FBN2: variants seen among roughly 807,000 people sequenced by gnomAD.
FBN2 encodes the protein fibrillin 2, also known as fibrillin-2.
In FBN2, 105 loss-of-function variants were observed where a neutral mutation model predicts 355.6. That is an observed-to-expected ratio of 0.30 (90% confidence interval 0.25 to 0.35). The LOEUF (loss-of-function observed/expected upper bound fraction) is 0.35, where lower values mean the gene tolerates loss of function less well. FBN2 is among the 10% of genes least tolerant of loss of function. The probability of loss-of-function intolerance (pLI) is 1.00; values close to 1 mark genes in which losing one functional copy is unlikely to be tolerated. For missense variants in FBN2, 3,280 were observed against 3,758.7 expected, an observed-to-expected ratio of 0.87 and a Z score of 3.33; for synonymous variants, 1,350 against 1,301.2, an observed-to-expected ratio of 1.04 and a Z score of -0.81.
intron 11 of FBN2, among the ~76,000 whole-genome samples, chr5:128,391,591 G>C (rs1456008447): frequency 6.6e-6 from 1 of 152,142 alleles, no homozygotes; most frequent in African/African-American, 2.4e-5. Context: ...GAGTTGAAAT[G>C]AGTCTGAGAC....
chr5:128,397,280 T>C (rs566039751), intron 8 of FBN2, among the ~76,000 whole-genome samples: 31 of 152,348 alleles, frequency 2.0e-4, no homozygotes, highest in African/African-American at 6.3e-4. Context: ...TATCATATAC[T>C]ACCTCCTCAA....
chr5:128,453,011 T>A (rs1448606262), intron 6 of FBN2, among the ~76,000 whole-genome samples: 2 of 152,108 alleles, frequency 1.3e-5, no homozygotes, highest in African/African-American at 4.8e-5. Flanking sequence ...TGTCTAACTT[T>A]AAGGGCAGCA....
At chr5:128,296,629 G>A (rs1159743270) in intron 48 of FBN2, among the ~76,000 whole-genome samples, 2 of 152,106 alleles carry the variant, frequency 1.3e-5, no homozygotes, top group East Asian at 1.9e-4. Flanking sequence ...TTGTGTAGAG[G>A]TGTTTGTAGT....
chr5:128,444,453 T>C (rs1348580857), intron 7 of FBN2, among the ~76,000 whole-genome samples: 1 of 152,238 alleles, frequency 6.6e-6, no homozygotes, highest in Non-Finnish European at 1.5e-5. Flanking sequence ...TAAATAAATA[T>C]GCCTTATACA....
chr5:128,501,768 A>G (rs996413917), intron 5 of FBN2, among the ~76,000 whole-genome samples: 2 of 152,152 alleles, frequency 1.3e-5, no homozygotes, highest in African/African-American at 4.8e-5. Context: ...TGATTATAAA[A>G]CCATTACACT....
chr5:128,405,037 G>A (rs913252824), intron 8 of FBN2, among the ~76,000 whole-genome samples: 1 of 152,114 alleles, frequency 6.6e-6, no homozygotes, highest in Non-Finnish European at 1.5e-5. Flanking sequence ...CCAGCGTAGT[G>A]GTGGGTGCCT....
rs1581189090 is a variant in FBN2 at position 128,287,226 on chromosome 5, T to G, written c.6880+82A>C. The G allele has an allele frequency of 1.0e-5, 15 of 1,480,026 alleles. No individual in the cohort carries two copies. The East Asian group carries it at 2.3e-4, about 22-fold the overall frequency. The allele number at this position is 1,480,026 out of a possible 1,614,324, so 91.7% of individuals were successfully genotyped here. A position where few individuals can be genotyped will look rare whatever the true frequency, so the allele number is the denominator to read the frequency against. On this transcript the variant is annotated intron_variant, in intron 54 of 64. Coordinates refer to ENST00000262464, the MANE Select transcript of FBN2 (RefSeq NM_001999.4). ...ATTTCTGTAAAGCTCTAGAAGAAATTAGTTGAGAACTATAAAATCATTAAG... is the reference window on the plus strand; with the variant it reads ...ATTTCTGTAAAGCTCTAGAAGAAATGAGTTGAGAACTATAAAATCATTAAG...
chr5:128,533,270 G>C (rs914787776), intron 2 of FBN2, among the ~76,000 whole-genome samples: 2 of 152,156 alleles, frequency 1.3e-5, no homozygotes. Context: ...TAAGAGAGGA[G>C]ACCCAAAGTA....
intron 8 of FBN2, among the ~76,000 whole-genome samples, chr5:128,400,227 A>G (rs1035259277): frequency 1.3e-5 from 2 of 152,036 alleles, no homozygotes; most frequent in Non-Finnish European, 2.9e-5. Flanking sequence ...GTGATACAAA[A>G]TAAACCAAAA....
At chr5:128,295,181 T>C (rs1749467666) in intron 48 of FBN2, among the ~76,000 whole-genome samples, 1 of 148,274 alleles carries the variant, frequency 6.7e-6, no homozygotes, top group Non-Finnish European at 1.5e-5. Context: ...CTCTGTTCTG[T>C]TCCATTGATC....
chr5:128,351,466 G>C (rs1751364321), intron 20 of FBN2, among the ~76,000 whole-genome samples: 1 of 151,836 alleles, frequency 6.6e-6, no homozygotes, highest in South Asian at 2.1e-4. Context: ...AGAATCGCTT[G>C]AACGCAGGAG....
At chr5:128,392,250 A>C in intron 10 of FBN2, 95 bp from the exon 11 acceptor site, 1 of 1,039,700 alleles carries the variant, frequency 9.6e-7, no homozygotes, top group Non-Finnish European at 1.5e-6. Context: ...TAAATTAATT[A>C]GATGTATATC....
Position 128,259,257 on chromosome 5 carries a change from C to T in FBN2, c.*198G>A, listed in dbSNP as rs1219908004. On this transcript the variant is annotated 3_prime_UTR_variant, in exon 65 of 65. Transcript: ENST00000262464. ...TAAAAAATACAGTAACCACGGTTGC[C>T]TTTGTGCTCAAATCTTTGGCCATAC... 8 of 637,406 alleles carry T rather than the reference C, an allele frequency of 1.3e-5. No individual in the cohort carries two copies. The East Asian group carries it at 2.2e-4, about 18-fold the overall frequency. The allele number at this position is 637,406 out of a possible 1,614,324, so 39.5% of individuals were successfully genotyped here.
intron 8 of FBN2, 46 bp downstream of exon 8, chr5:128,408,628 C>A: frequency 6.2e-7 from 1 of 1,612,332 alleles, no homozygotes; most frequent in South Asian, 1.1e-5. Context: ...GCTGTTTTGT[C>A]ATTATAAAGA....
intron 7 of FBN2, among the ~76,000 whole-genome samples, chr5:128,417,167 T>C (rs1753225997): frequency 6.6e-6 from 1 of 152,164 alleles, no homozygotes; most frequent in African/African-American, 2.4e-5. Context: ...TCATTATTGG[T>C]ATATAGAAAT....
chr5:128,397,871 T>C (rs1044938441), intron 8 of FBN2, among the ~76,000 whole-genome samples: 9 of 151,932 alleles, frequency 5.9e-5, no homozygotes, highest in Non-Finnish European at 1.3e-4. Flanking sequence ...CAGATTCCAC[T>C]CTCCCCCAAT....
Position 128,309,359 on chromosome 5 carries a change from G to T in FBN2, c.5241C>A (p.Thr1747=), listed in dbSNP as rs1443901881. 4 of 1,613,944 alleles carry T rather than the reference G, an allele frequency of 2.5e-6. No homozygotes were observed. The highest frequency in any genetic ancestry group is 3.4e-6 in the Non-Finnish European group (4 of 1,179,868). ...KSFCYRSYNG[T]TCENELPFNV... is the part of the protein sequence containing the mutation. ...TGAAAGGCAACTCATTCTCACAAGT[G>T]GTTCCATTATAGCTTCGGTAGCAAA... Residue 1747 remains threonine (T), a synonymous_variant, in exon 41 of 65, where the codon ACC becomes ACA. Coordinates refer to ENST00000262464, the MANE Select transcript of FBN2 (RefSeq NM_001999.4).
At chr5:128,293,165 C>T (rs1254929813) in intron 48 of FBN2, among the ~76,000 whole-genome samples, 2 of 152,114 alleles carry the variant, frequency 1.3e-5, no homozygotes, top group African/African-American at 4.8e-5. Flanking sequence ...AGAATGTCAT[C>T]TGGGAAAAGT....
chr5:128,320,376 A>G (rs1750336890), intron 34 of FBN2, among the ~76,000 whole-genome samples: 2 of 151,970 alleles, frequency 1.3e-5, no homozygotes, highest in South Asian at 2.1e-4. Flanking sequence ...CATCACACCT[A>G]GCTAATTTAA....
Sources: gnomAD v4.1 joint callset for allele counts (sites outside exome capture counted in the v4.1 genomes callset) on GRCh38, gnomAD v4.1.1 for gene constraint, MANE v1.5 for transcripts, NCBI Gene and HGNC (gene_info 2026-07-23, HGNC 2026-07-21) for gene names.